The following DCDC2 variants were observed in gnomAD, a reference collection of about 807,000 sequenced individuals.
The protein encoded by DCDC2 is doublecortin domain-containing protein 2.
Under a neutral mutation model 50.2 loss-of-function variants are expected in DCDC2, and 40 were observed. The ratio of observed to expected loss-of-function variants is 0.80; its 90% CI spans 0.62 to 1.04. The LOEUF (loss-of-function observed/expected upper bound fraction) is 1.04. Ranked by LOEUF, DCDC2 falls within the 50% of genes least tolerant of loss-of-function variation. DCDC2 has a pLI of 0.00. For synonymous variants in DCDC2, 234 were observed against 210.6 expected, an observed-to-expected ratio of 1.11 and a Z score of -0.96; for missense variants, 570 against 581.9, an observed-to-expected ratio of 0.98 and a Z score of 0.21.
At chr6:24,256,820 A>T (rs1561745872) in intron 7 of DCDC2, among the ~76,000 whole-genome samples, 1 of 152,206 alleles carries the variant, frequency 6.6e-6, no homozygotes, top group East Asian at 1.9e-4. Flanking sequence ...TTACATTATA[A>T]ATTGAGGAAA....
chr6:24,348,536 G>A (rs549705750), intron 2 of DCDC2, among the ~76,000 whole-genome samples: 6 of 152,146 alleles, frequency 3.9e-5, no homozygotes, highest in South Asian at 2.1e-4. Context: ...ATAGCAAAGC[G>A]ACCTTTTCCT....
intron 7 of DCDC2, among the ~76,000 whole-genome samples, chr6:24,208,847 G>A (rs1213349319): frequency 6.6e-6 from 1 of 152,160 alleles, no homozygotes; most frequent in Non-Finnish European, 1.5e-5. Flanking sequence ...GTTTTGACAT[G>A]TTCTTTAAAC....
intron 7 of DCDC2, among the ~76,000 whole-genome samples, chr6:24,224,918 C>G (rs1220280298): frequency 6.6e-6 from 1 of 152,072 alleles, no homozygotes; most frequent in Non-Finnish European, 1.5e-5. Flanking sequence ...GGGAAGGGAC[C>G]ACGTCTTATT....
chr6:24,255,071 G>C (rs184126928), intron 7 of DCDC2, among the ~76,000 whole-genome samples: 2 of 152,134 alleles, frequency 1.3e-5, no homozygotes, highest in South Asian at 2.1e-4. Context: ...AAGACATAAG[G>C]ATGATAAAGC....
At chr6:24,266,175 C>A (rs906747869) in intron 7 of DCDC2, among the ~76,000 whole-genome samples, 2 of 152,032 alleles carry the variant, frequency 1.3e-5, no homozygotes, top group African/African-American at 4.8e-5. Flanking sequence ...CGATATCTCA[C>A]CATATACAAA....
chr6:24,192,931 G>A (rs1761344486), intron 8 of DCDC2, among the ~76,000 whole-genome samples: 1 of 151,962 alleles, frequency 6.6e-6, no homozygotes, highest in Non-Finnish European at 1.5e-5. Flanking sequence ...AAGCAAAAAG[G>A]CCCATACCAA....
At chr6:24,359,531 AT>A (rs1217390185), upstream of DCDC2, among the ~76,000 whole-genome samples, 14 of 100,562 alleles carry the variant, frequency 1.4e-4, no homozygotes, top group East Asian at 7.1e-4. Context: ...TTTTATATAT[AT>A]TTTTTATATA....
At chr6:24,290,697 T>TAA (rs76420632) in intron 5 of DCDC2, among the ~76,000 whole-genome samples, 12 of 151,298 alleles carry the variant, frequency 7.9e-5, no homozygotes, top group South Asian at 6.3e-4. Flanking sequence ...TCATGCATGC[T>TAA]AAAAAAAAAC....
intron 2 of DCDC2, among the ~76,000 whole-genome samples, chr6:24,318,373 TG>T (rs1342228007): frequency 1.3e-5 from 2 of 152,038 alleles, no homozygotes. Context: ...CAAGACATAC[TG>T]GGTTTTTTGT....
chr6:24,301,840 A>G lies in DCDC2; in HGVS notation c.432T>C (p.Ile144=). 6.2e-7 allele frequency: 1 copy of G among 1,614,188 alleles called. No homozygotes were observed. Among genetic ancestry groups the G allele is most frequent in the Non-Finnish European group, 8.5e-7 (1 of 1,180,032 alleles). ...CTGGGTTTATGAGGTCTCCATTTGC[A>G]ATCAAGCTGGAAAACAGGGGGCAAA... is the stretch of plus-strand genomic sequence containing the variant. ...PLQEPCTIFL[I]ANGDLINPAS... is the part of the protein sequence containing the mutation. The change falls in exon 4 of 10, where the codon ATT becomes ATC. Residue 144 remains isoleucine, a synonymous_variant. Coordinates refer to ENST00000378454, the MANE Select transcript of DCDC2 (RefSeq NM_016356.5).
At chr6:24,219,165 A>C (rs1365445948) in intron 7 of DCDC2, among the ~76,000 whole-genome samples, 1 of 152,218 alleles carries the variant, frequency 6.6e-6, no homozygotes, top group Non-Finnish European at 1.5e-5. Context: ...GATGTTGGTA[A>C]ACTTAAGAAA....
chr6:24,353,689 A>T lies in DCDC2; in HGVS notation c.294-66T>A, dbSNP rs1305641469. The T allele has an allele frequency of 9.8e-6, 10 of 1,018,222 alleles. No homozygotes were observed. The East Asian group carries it at 1.0e-4, about 11-fold the overall frequency. 63.1% of individuals were successfully genotyped at this position (1,018,222 alleles called of 1,614,324 possible). ...GACTTTAAGTCAGTAATTTATTTTT[A>T]AAAATCATAAAAAAATAAAGCAACT... On this transcript the variant is annotated intron_variant, in intron 1 of 9. Coordinates refer to ENST00000378454, the MANE Select transcript of DCDC2 (RefSeq NM_016356.5).
chr6:24,347,269 G>C (rs1035649746), intron 2 of DCDC2, among the ~76,000 whole-genome samples: 1 of 152,158 alleles, frequency 6.6e-6, no homozygotes, highest in Non-Finnish European at 1.5e-5. Flanking sequence ...AACATTGGTA[G>C]AGTTAAAAAT....
At chr6:24,224,750 G>T (rs1762191964) in intron 7 of DCDC2, among the ~76,000 whole-genome samples, 1 of 152,184 alleles carries the variant, frequency 6.6e-6, no homozygotes, top group Non-Finnish European at 1.5e-5. Flanking sequence ...TCAGCTACCA[G>T]CTCCCTCTTC....
intron 7 of DCDC2, among the ~76,000 whole-genome samples, chr6:24,270,051 G>A (rs1411920351): frequency 6.6e-6 from 1 of 151,928 alleles, no homozygotes; most frequent in Non-Finnish European, 1.5e-5. Context: ...TAAGCTTCAG[G>A]GTCTGCTGTG....
intron 7 of DCDC2, among the ~76,000 whole-genome samples, chr6:24,263,633 GA>G (rs903451391): frequency 6.6e-6 from 1 of 151,642 alleles, no homozygotes; most frequent in Non-Finnish European, 1.5e-5. Flanking sequence ...TGATCAAGCA[GA>G]AAAAAAATAA....
intron 6 of DCDC2, among the ~76,000 whole-genome samples, chr6:24,286,025 G>A (rs896161769): frequency 1.3e-5 from 2 of 152,182 alleles, no homozygotes; most frequent in Non-Finnish European, 2.9e-5. Context: ...CTAAATTCAT[G>A]AGTTTTATTT....
chr6:24,260,076 CAACT>C (rs1439700256), intron 7 of DCDC2, among the ~76,000 whole-genome samples: 5 of 152,068 alleles, frequency 3.3e-5, no homozygotes, highest in South Asian at 2.1e-4. Flanking sequence ...TCTGTCTGCC[CAACT>C]AACTTTTTTC....
At chr6:24,331,941 T>C (rs1472337041) in intron 2 of DCDC2, among the ~76,000 whole-genome samples, 2 of 152,218 alleles carry the variant, frequency 1.3e-5, no homozygotes, top group Non-Finnish European at 2.9e-5. Context: ...TTTAAGTGTA[T>C]TTAATTCTGA....
Sources: allele counts gnomAD v4.1 joint callset (sites outside exome capture counted in the v4.1 genomes callset), GRCh38; gene constraint gnomAD v4.1.1; transcripts MANE v1.5; gene names NCBI Gene and HGNC (gene_info 2026-07-23, HGNC 2026-07-21).